The following GMDS variants were observed in gnomAD, a reference collection of about 807,000 sequenced individuals.
The protein encoded by GMDS is GDP-mannose 4,6-dehydratase.
GMDS carries 20 observed loss-of-function variants against 49.9 expected under a neutral mutation model. The observed-to-expected ratio is 0.40, with a 90% CI of 0.28 to 0.58. The LOEUF is 0.58. GMDS is among the 20% of genes least tolerant of loss of function. GMDS has a pLI of 0.42. For missense variants in GMDS, 362 were observed against 481.4 expected (o/e 0.75, Z 2.32); for synonymous variants, 177 against 178.6 (o/e 0.99, Z 0.07).
At chr6:1,925,051 C>T (rs1761926686) in intron 7 of GMDS, among the ~76,000 whole-genome samples, 1 of 152,086 alleles carries the variant, frequency 6.6e-6, no homozygotes, top group Non-Finnish European at 1.5e-5. Context: ...AGCTGTAAGC[C>T]ATTAGCACTA....
At chr6:1,923,137 C>T (rs906973599) in intron 7 of GMDS, among the ~76,000 whole-genome samples, 1 of 152,188 alleles carries the variant, frequency 6.6e-6, no homozygotes, top group African/African-American at 2.4e-5. Flanking sequence ...GTCCATTAAA[C>T]CTCTTTGTCT....
At chr6:2,117,326 G>A (rs1223987060) in intron 3 of GMDS, 143 bp downstream of exon 3, 6 of 618,256 alleles carry the variant, frequency 9.7e-6, no homozygotes, top group Admixed American at 2.5e-5. Flanking sequence ...CATGTAAATC[G>A]TATTCAGTGC....
chr6:1,627,009 C>T (rs1425012983), intron 9 of GMDS, among the ~76,000 whole-genome samples: 1 of 152,240 alleles, frequency 6.6e-6, no homozygotes, highest in African/African-American at 2.4e-5. Flanking sequence ...TAACCTTCTG[C>T]CAAGGCTCTG....
At chr6:2,220,652 T>G (rs1379340523) in intron 1 of GMDS, among the ~76,000 whole-genome samples, 1 of 152,156 alleles carries the variant, frequency 6.6e-6, no homozygotes, top group African/African-American at 2.4e-5. Flanking sequence ...AAAATTACCT[T>G]CGGGCTATGT....
intron 4 of GMDS, among the ~76,000 whole-genome samples, chr6:2,071,211 C>T (rs533434043): frequency 6.6e-6 from 1 of 152,268 alleles, no homozygotes; most frequent in East Asian, 1.9e-4. Context: ...ATCCTAAATT[C>T]CCTGTTAAAT....
At chr6:1,974,160 A>C (rs942980339) in intron 4 of GMDS, among the ~76,000 whole-genome samples, 2 of 151,342 alleles carry the variant, frequency 1.3e-5, no homozygotes, top group African/African-American at 2.5e-5. Context: ...AAAAAAAAAA[A>C]ACCTAAGCTG....
At chr6:1,834,976 C>CTA (rs1214613476) in intron 7 of GMDS, among the ~76,000 whole-genome samples, 1 of 152,148 alleles carries the variant, frequency 6.6e-6, no homozygotes, top group Admixed American at 6.5e-5. Flanking sequence ...TTGTACTTTC[C>CTA]TACAGATGCA....
At chr6:1,934,782 A>T (rs915767273) in intron 6 of GMDS, among the ~76,000 whole-genome samples, 1 of 151,942 alleles carries the variant, frequency 6.6e-6, no homozygotes, top group Non-Finnish European at 1.5e-5. Flanking sequence ...TTTTTACTCC[A>T]TGTTACAGAA....
intron 7 of GMDS, among the ~76,000 whole-genome samples, chr6:1,805,727 G>A (rs141721521): frequency 5.9e-5 from 9 of 151,906 alleles, no homozygotes; most frequent in South Asian, 4.1e-4. Flanking sequence ...TATTTATCAC[G>A]TTATTTTTAA....
intron 9 of GMDS, among the ~76,000 whole-genome samples, chr6:1,696,507 G>T (rs1159923417): frequency 6.6e-6 from 1 of 152,176 alleles, no homozygotes; most frequent in Non-Finnish European, 1.5e-5. Flanking sequence ...CTCTCTTTTG[G>T]AATAACAGAA....
At chr6:2,135,117 C>T (rs1775929491) in intron 1 of GMDS, among the ~76,000 whole-genome samples, 1 of 152,066 alleles carries the variant, frequency 6.6e-6, no homozygotes, top group Admixed American at 6.6e-5. Flanking sequence ...AATACCTCTC[C>T]CTCAATCAAA....
intron 4 of GMDS, among the ~76,000 whole-genome samples, chr6:2,023,529 T>G (rs562086501): frequency 8.5e-4 from 130 of 152,308 alleles, no homozygotes; most frequent in Non-Finnish European, 1.5e-3. Flanking sequence ...AGGGCAGAGA[T>G]GTGACACACA....
At chr6:1,875,886 A>G (rs531703038) in intron 7 of GMDS, among the ~76,000 whole-genome samples, 35 of 152,044 alleles carry the variant, frequency 2.3e-4, no homozygotes, top group Non-Finnish European at 3.8e-4. Context: ...TTAGCCAGGC[A>G]TGGTGGCACA....
chr6:2,044,664 CG>C (rs1769893513), intron 4 of GMDS, among the ~76,000 whole-genome samples: 1 of 152,052 alleles, frequency 6.6e-6, no homozygotes, highest in South Asian at 2.1e-4. Context: ...AACCCCGTGG[CG>C]TGAGTTCACC....
At chr6:1,818,910 C>T (rs1052810859) in intron 7 of GMDS, among the ~76,000 whole-genome samples, 6 of 152,032 alleles carry the variant, frequency 3.9e-5, no homozygotes, top group Non-Finnish European at 7.4e-5. Flanking sequence ...ATACCACTCA[C>T]CTTAATTCTA....
intron 9 of GMDS, among the ~76,000 whole-genome samples, chr6:1,685,553 C>T (rs925916577): frequency 6.6e-6 from 1 of 151,938 alleles, no homozygotes; most frequent in African/African-American, 2.4e-5. Flanking sequence ...CAATATATTC[C>T]TCGTCTCCAT....
chr6:2,170,605 T>C (rs756239401), intron 1 of GMDS, among the ~76,000 whole-genome samples: 52 of 148,954 alleles, frequency 3.5e-4, no homozygotes, highest in Non-Finnish European at 7.6e-4. Flanking sequence ...CCAGCCTGGG[T>C]GACAGAGTGT....
At chr6:2,064,989 G>T (rs1050188511) in intron 4 of GMDS, among the ~76,000 whole-genome samples, 14 of 152,304 alleles carry the variant, frequency 9.2e-5, no homozygotes, top group African/African-American at 3.4e-4. Context: ...GGCTCAAAAA[G>T]ACAGCAGTAA....
intron 7 of GMDS, among the ~76,000 whole-genome samples, chr6:1,787,130 T>G (rs934490012): frequency 6.6e-6 from 1 of 152,216 alleles, no homozygotes; most frequent in East Asian, 1.9e-4. Context: ...TGGGTATGCC[T>G]TAATCTCTCC....
Sources: gnomAD v4.1 joint callset for allele counts (sites outside exome capture counted in the v4.1 genomes callset) on GRCh38, gnomAD v4.1.1 for gene constraint, MANE v1.5 for transcripts, NCBI Gene and HGNC (gene_info 2026-07-23, HGNC 2026-07-21) for gene names.